The following ABR variants were observed in gnomAD, a reference collection of about 807,000 sequenced individuals.
ABR encodes active breakpoint cluster region-related protein.
Under a neutral mutation model 107.2 loss-of-function variants are expected in ABR, and 35 were observed. The ratio of observed to expected loss-of-function variants is 0.33; its 90% confidence interval spans 0.25 to 0.43. ABR has a LOEUF of 0.43. Ranked by LOEUF, ABR falls within the 20% of genes least tolerant of loss-of-function variation. ABR has a pLI of 1.00. For missense variants in ABR, 815 were observed against 1,115.2 expected, an observed-to-expected ratio of 0.73 and a Z score of 3.83; for synonymous variants, 498 against 462.0, an observed-to-expected ratio of 1.08 and a Z score of -1.00.
chr17:1,037,017 T>A lies in ABR; in HGVS notation c.1791+13033A>T, dbSNP rs766826597. ...CTTCCATCCTTCCTTCCTTCCATCC[T>A]TCCTTCCTTCCATCCATCCACCCAT... On this transcript the variant is annotated intron_variant, in intron 16 of 22. Coordinates refer to ENST00000302538, the MANE Select transcript of ABR (RefSeq NM_021962.5). The surrounding 1 kb of genome is among the most constrained non-coding windows in gnomAD (Gnocchi z 4.6). Among the ~76,000 whole-genome samples, 227 of 145,766 alleles carry A rather than the reference T, an allele frequency of 1.6e-3. No individual in the cohort carries two copies. Among genetic ancestry groups the A allele is most frequent in the Non-Finnish European group, 2.4e-3 (163 of 67,592 alleles).
At chr17:1,059,452 T>C (rs1158844837) in intron 10 of ABR, among the ~76,000 whole-genome samples, 2 of 152,240 alleles carry the variant, frequency 1.3e-5, no homozygotes, top group African/African-American at 4.8e-5. Flanking sequence ...ACTGTCACTC[T>C]GCTGCCTCTA....
rs559893802 is a variant in ABR, at chr17:1,123,909, C to T, written c.246+1274G>A. Among the ~76,000 whole-genome samples, 8 of 152,342 alleles carry T rather than the reference C, an allele frequency of 5.3e-5. No individual in the cohort carries two copies. The South Asian group carries it at 1.7e-3, about 32-fold the overall frequency. On this transcript the variant is annotated intron_variant, in intron 2 of 22. Transcript: ENST00000302538. ...CAGGTCCGAGACGCTTGTCTCTAAC[C>T]CGCCTCCCGTCTTAGGGCAGGTCAA...
intron 3 of ABR, among the ~76,000 whole-genome samples, chr17:1,093,689 G>A (rs1436886811): frequency 3.3e-5 from 5 of 151,962 alleles, no homozygotes; most frequent in Non-Finnish European, 7.4e-5. Flanking sequence ...AGCTCCCTCT[G>A]AACGACGACC....
intron 5 of ABR, among the ~76,000 whole-genome samples, chr17:1,079,788 C>CAAAAAAAAAAAAAAAAAAAAAAAAAAA (rs57412625): frequency 3.6e-5 from 2 of 55,112 alleles, no homozygotes; most frequent in Non-Finnish European, 7.3e-5. Flanking sequence ...GACTCTGTCT[C>CAAAAAAAAAAAAAAAAAAAAAAAAAAA]AAAAAAAAAA....
At chr17:1,188,549 CA>C (rs71148442), upstream of ABR, among the ~76,000 whole-genome samples, 24,920 of 141,916 alleles carry the variant, frequency 0.18, 2,368 homozygotes, top group African/African-American at 0.29. Flanking sequence ...GACTCCGTCT[CA>C]AAAAAAAAAA....
At chr17:1,074,745 G>A (rs758918262) in intron 6 of ABR, among the ~76,000 whole-genome samples, 6 of 152,188 alleles carry the variant, frequency 3.9e-5, no homozygotes, top group African/African-American at 1.2e-4. Context: ...TCTGCTCCCC[G>A]AGGCCAGCCT....
At chr17:1,085,081 T>C (rs1447172410) in intron 4 of ABR, among the ~76,000 whole-genome samples, 156 of 135,360 alleles carry the variant, frequency 1.2e-3, no homozygotes, top group Middle Eastern at 4.9e-3. Context: ...GGATTACAGG[T>C]GTGAGCCACT....
At chr17:1,056,263 C>T (rs1468526227) in intron 13 of ABR, among the ~76,000 whole-genome samples, 154 bp from the exon 14 acceptor site, 2 of 152,018 alleles carry the variant, frequency 1.3e-5, no homozygotes, top group Non-Finnish European at 2.9e-5. Flanking sequence ...TTCCGAAGGC[C>T]ACGGCGGCCT....
Position 1,091,707 on chromosome 17 carries a change from C to T in ABR, c.489G>A (p.Gln163=). The change falls in exon 4 of 23, where the codon CAG becomes CAA. Residue 163 remains glutamine (Q), a synonymous_variant. Coordinates refer to ENST00000302538, the MANE Select transcript of ABR (RefSeq NM_021962.5). ...FYDNLCPKVQ[Q]WDSQVTMGHL... ...GGCCCATGGTGACCTGGCTGTCCCA[C>T]TGTTGCACCTTGGGGCACAGGTTGT... is the stretch of plus-strand genomic sequence containing the variant. The T allele has an allele frequency of 6.2e-7, 1 of 1,614,166 alleles. No individual in the cohort carries two copies. The highest frequency in any genetic ancestry group is 1.1e-5 in the South Asian group (1 of 91,084).
At chr17:1,031,897 T>TCCGCGTC in intron 16 of ABR, 3 of 986,774 alleles carry the variant, frequency 3.0e-6, no homozygotes, top group Non-Finnish European at 3.7e-6. Flanking sequence ...CCTCCCTCCG[T>TCCGCGTC]CCGCGTCCCT....
rs146063178 is a variant in ABR, at chr17:1,027,715, A to T, written c.1792-14551T>A. On this transcript the variant is annotated intron_variant, in intron 16 of 22. Coordinates refer to ENST00000302538, the MANE Select transcript of ABR (RefSeq NM_021962.5). The surrounding 1 kb of genome is among the most constrained non-coding windows in gnomAD (Gnocchi z 4.7). ...CAGCTCTCGGGGGAGGCAGCACTGT[A>T]GTCCCCTGTCTGTGGCTGAGGGGTC... Among the ~76,000 whole-genome samples the T allele has an allele frequency of 1.1e-3, 166 of 152,016 alleles. 1 individual carries two copies. The East Asian group carries it at 0.023, about 21-fold the overall frequency.
intron 16 of ABR, among the ~76,000 whole-genome samples, chr17:1,022,309 T>A (rs1280040140): frequency 6.6e-6 from 1 of 151,836 alleles, no homozygotes; most frequent in Non-Finnish European, 1.5e-5. Context: ...GCGGCCACGG[T>A]GGCAGCCCGG....
At chr17:1,104,911 C>A (rs1008029745) in intron 2 of ABR, among the ~76,000 whole-genome samples, 2 of 152,050 alleles carry the variant, frequency 1.3e-5, no homozygotes, top group African/African-American at 4.8e-5. Context: ...TGTTTTGAAA[C>A]TTTGGTTGTT....
chr17:1,156,079 G>T (rs2041029886), intron 1 of ABR: 1 of 152,088 alleles, frequency 6.6e-6, no homozygotes, highest in South Asian at 2.1e-4. Flanking sequence ...GTGGCCCCAG[G>T]TTCAACTCCA....
intron 1 of ABR, among the ~76,000 whole-genome samples, chr17:1,215,758 G>A (rs1415213268): frequency 6.6e-6 from 1 of 152,068 alleles, no homozygotes; most frequent in Non-Finnish European, 1.5e-5. Context: ...GGGAAAAGAA[G>A]GAGAAATCGG....
chr17:1,124,505 C>T (rs147599708), intron 2 of ABR, among the ~76,000 whole-genome samples: 20 of 152,388 alleles, frequency 1.3e-4, no homozygotes, highest in African/African-American at 4.1e-4. Context: ...CAGGCACACA[C>T]GAGCTGCGCT....
intron 1 of ABR, among the ~76,000 whole-genome samples, chr17:1,161,727 G>A (rs1390341048): frequency 6.6e-6 from 1 of 151,900 alleles, no homozygotes; most frequent in Non-Finnish European, 1.5e-5. Flanking sequence ...GCTAATTTTT[G>A]TATTTTTAGT....
intron 1 of ABR, among the ~76,000 whole-genome samples, chr17:1,199,263 G>A (rs927434997): frequency 4.0e-5 from 6 of 151,012 alleles, no homozygotes; most frequent in Non-Finnish European, 7.4e-5. Context: ...GCCAGGGCCC[G>A]GCTAGGAAGA....
intron 10 of ABR, among the ~76,000 whole-genome samples, chr17:1,065,973 G>C (rs1486719076): frequency 6.6e-6 from 1 of 152,224 alleles, no homozygotes; most frequent in East Asian, 1.9e-4. Flanking sequence ...TCAAACTCCT[G>C]ACCTCAGGTG....
Sources: allele counts gnomAD v4.1 joint callset (sites outside exome capture counted in the v4.1 genomes callset), GRCh38; gene constraint gnomAD v4.1.1; non-coding constraint Gnocchi (gnomAD v3.1); transcripts MANE v1.5; gene names NCBI Gene and HGNC (gene_info 2026-07-23, HGNC 2026-07-21).